Variants in ERC2 observed in about 807,000 individuals in gnomAD.
ERC2 encodes ERC protein 2.
A neutral mutation model predicts 114.8 loss-of-function variants in ERC2; 42 were observed. That is an observed-to-expected ratio of 0.37 (90% confidence interval 0.29 to 0.47). The LOEUF (loss-of-function observed/expected upper bound fraction) is 0.47. Among genes scored for constraint, ERC2 ranks in the 20% least tolerant of loss-of-function variants. ERC2 has a pLI of 0.99. For missense variants in ERC2, 939 were observed against 1,150.7 expected (o/e 0.82, Z 2.66); for synonymous variants, 454 against 425.5 (o/e 1.07, Z -0.82).
intron 14 of ERC2, among the ~76,000 whole-genome samples, chr3:55,821,716 AC>A (rs1283323260): frequency 6.6e-6 from 1 of 152,250 alleles, no homozygotes; most frequent in Non-Finnish European, 1.5e-5. Context: ...GAACTTATGA[AC>A]AGCTATGACT....
intron 2 of ERC2, among the ~76,000 whole-genome samples, chr3:56,336,730 G>A (rs960826666): frequency 6.6e-6 from 1 of 152,284 alleles, no homozygotes; most frequent in South Asian, 2.1e-4. Context: ...GGAGGCGGTG[G>A]AAGTTGCAGT....
At chr3:55,582,340 A>C (rs115687890) in intron 17 of ERC2, among the ~76,000 whole-genome samples, 2,284 of 152,264 alleles carry the variant, frequency 0.015, 45 homozygotes, top group African/African-American at 0.047. Context: ...TTATAGTTGG[A>C]TAGATGGATG....
At chr3:56,446,605 TTTC>T (rs2062574306) in intron 1 of ERC2, among the ~76,000 whole-genome samples, 1 of 148,288 alleles carries the variant, frequency 6.7e-6, no homozygotes, top group Non-Finnish European at 1.5e-5. Context: ...GAGGGCGCAT[TTTC>T]TTCTTTTTTT....
chr3:55,718,859 T>G (rs906616768), intron 15 of ERC2, among the ~76,000 whole-genome samples: 1 of 152,232 alleles, frequency 6.6e-6, no homozygotes, highest in Non-Finnish European at 1.5e-5. Context: ...ATTTCAAAAA[T>G]CAAATATTCT....
intron 2 of ERC2, among the ~76,000 whole-genome samples, chr3:56,405,950 T>C (rs1345618442): frequency 7.1e-6 from 1 of 140,572 alleles, no homozygotes; most frequent in Non-Finnish European, 1.5e-5. Flanking sequence ...TGGAGTACAG[T>C]GGCACAATCT....
intron 14 of ERC2, among the ~76,000 whole-genome samples, chr3:55,771,470 G>A (rs1262954576): frequency 6.6e-6 from 1 of 152,206 alleles, no homozygotes; most frequent in Non-Finnish European, 1.5e-5. Flanking sequence ...CCCAGAGTTA[G>A]ACAAAAGTTA....
chr3:55,857,454 A>G (rs2061839749), intron 14 of ERC2, among the ~76,000 whole-genome samples: 1 of 152,168 alleles, frequency 6.6e-6, no homozygotes, highest in African/African-American at 2.4e-5. Flanking sequence ...ACCATTTTTA[A>G]ATATACAATT....
intron 17 of ERC2, among the ~76,000 whole-genome samples, chr3:55,593,615 C>T (rs771664419): frequency 6.6e-6 from 1 of 152,210 alleles, no homozygotes; most frequent in Non-Finnish European, 1.5e-5. Flanking sequence ...TCACTGATGA[C>T]ACCTTTCCTC....
chr3:55,995,567 C>T (rs1178066201), intron 10 of ERC2, among the ~76,000 whole-genome samples: 4 of 152,128 alleles, frequency 2.6e-5, no homozygotes, highest in Admixed American at 2.0e-4. Context: ...GACAGGGAAA[C>T]CGCTGCTTCT....
chr3:56,242,839 G>C (rs1203272482), intron 3 of ERC2, among the ~76,000 whole-genome samples: 1 of 152,120 alleles, frequency 6.6e-6, no homozygotes, highest in East Asian at 1.9e-4. Context: ...AGCAGCACCT[G>C]GCACCAAGTA....
chr3:55,655,232 C>T (rs905251858), intron 17 of ERC2, among the ~76,000 whole-genome samples: 1 of 131,684 alleles, frequency 7.6e-6, no homozygotes, highest in African/African-American at 2.8e-5. Flanking sequence ...ATTGGCTTGC[C>T]TTCCCATTGC....
chr3:56,062,815 TGG>T (rs1375217334), intron 7 of ERC2, among the ~76,000 whole-genome samples: 1 of 152,156 alleles, frequency 6.6e-6, no homozygotes, highest in African/African-American at 2.4e-5. Context: ...TGAGCTCACC[TGG>T]GGTAATGCAT....
intron 17 of ERC2, among the ~76,000 whole-genome samples, chr3:55,567,844 C>A (rs887540270): frequency 2.6e-5 from 4 of 152,158 alleles, no homozygotes; most frequent in African/African-American, 9.7e-5. Context: ...AAGTAACAGA[C>A]AGCAGCCTGG....
chr3:56,301,399 T>C (rs1210886421), intron 2 of ERC2, among the ~76,000 whole-genome samples: 1 of 152,228 alleles, frequency 6.6e-6, no homozygotes, highest in Non-Finnish European at 1.5e-5. Context: ...AAAAAGATTT[T>C]TGAGGAAAAT....
chr3:55,636,993 C>A (rs540271218), intron 17 of ERC2, among the ~76,000 whole-genome samples: 23 of 152,282 alleles, frequency 1.5e-4, no homozygotes, highest in Non-Finnish European at 2.8e-4. Context: ...ACACACTTCC[C>A]GACCATTGCC....
intron 12 of ERC2, among the ~76,000 whole-genome samples, chr3:55,966,352 T>C (rs1438382544): frequency 1.3e-5 from 2 of 152,156 alleles, no homozygotes; most frequent in African/African-American, 4.8e-5. Context: ...TGGATGGCAA[T>C]GTTTCTAGAG....
chr3:56,365,439 G>A (rs540313378), intron 2 of ERC2, among the ~76,000 whole-genome samples: 3 of 152,276 alleles, frequency 2.0e-5, no homozygotes, highest in East Asian at 1.9e-4. Context: ...AAGTACACTC[G>A]ACAACGTTTG....
intron 8 of ERC2, among the ~76,000 whole-genome samples, chr3:56,015,638 T>A (rs1051919942): frequency 7.2e-5 from 11 of 152,204 alleles, no homozygotes; most frequent in African/African-American, 2.7e-4. Flanking sequence ...TGGTTCCATG[T>A]CTTTGCTATT....
At chr3:55,819,904 A>T (rs1480613386) in intron 14 of ERC2, among the ~76,000 whole-genome samples, 1 of 152,148 alleles carries the variant, frequency 6.6e-6, no homozygotes, top group Non-Finnish European at 1.5e-5. Flanking sequence ...GGGCATCTGA[A>T]GTTAATTACT....
Sources: gnomAD v4.1 joint callset for allele counts (sites outside exome capture counted in the v4.1 genomes callset) on GRCh38, gnomAD v4.1.1 for gene constraint, MANE v1.5 for transcripts, NCBI Gene and HGNC (gene_info 2026-07-23, HGNC 2026-07-21) for gene names.